The following GPHN variants were observed in gnomAD, a reference collection of about 807,000 sequenced individuals.
GPHN encodes gephyrin.
A neutral mutation model predicts 95.5 loss-of-function variants in GPHN; 17 were observed. The observed-to-expected ratio is 0.18, with a 90% CI of 0.12 to 0.27. The LOEUF is 0.27. GPHN is among the 10% of genes least tolerant of loss of function. GPHN has a pLI of 1.00. For missense variants in GPHN, 660 were observed against 978.1 expected, an observed-to-expected ratio of 0.67 and a Z score of 4.34; for synonymous variants, 320 against 322.5, an observed-to-expected ratio of 0.99 and a Z score of 0.08.
the GPHN span, among the ~76,000 whole-genome samples, chr14:67,355,181 CATCA>C: frequency 6.6e-6 from 1 of 152,060 alleles, no homozygotes; most frequent in East Asian, 1.9e-4. Flanking sequence ...GTTTTGATAT[CATCA>C]ATCAAGATCC....
At chr14:66,596,136 G>A (rs7147027) in intron 1 of GPHN, among the ~76,000 whole-genome samples, 47,589 of 151,666 alleles carry the variant, frequency 0.31, 11,459 homozygotes, top group African/African-American at 0.65. Context: ...CTCAGTGGGT[G>A]GCTCTTTTCT....
the GPHN span, among the ~76,000 whole-genome samples, chr14:67,302,769 T>C: frequency 1.3e-5 from 2 of 152,200 alleles, no homozygotes; most frequent in African/African-American, 4.8e-5. Flanking sequence ...TACTTTCTGA[T>C]GTATCACTAT....
At chr14:67,397,662 C>T in the GPHN span, 37 of 1,608,624 alleles carry the variant, frequency 2.3e-5, no homozygotes, top group Middle Eastern at 1.7e-4. Context: ...CATCACTTAC[C>T]GGTCGGTTTT....
chr14:67,090,579 A>C (rs2077108374), intron 12 of GPHN, among the ~76,000 whole-genome samples: 1 of 152,074 alleles, frequency 6.6e-6, no homozygotes, highest in African/African-American at 2.4e-5. Context: ...AATCTGAAAA[A>C]CATCAAAATC....
At chr14:66,629,743 A>G (rs1381466980) in intron 1 of GPHN, among the ~76,000 whole-genome samples, 2 of 152,126 alleles carry the variant, frequency 1.3e-5, no homozygotes, top group South Asian at 2.1e-4. Context: ...TGACATCACT[A>G]TTTGATAGGA....
At chr14:67,389,358 T>G in the GPHN span, among the ~76,000 whole-genome samples, 1 of 151,086 alleles carries the variant, frequency 6.6e-6, no homozygotes, top group African/African-American at 2.4e-5. Context: ...GATAGGAGAG[T>G]AGGTCCCCAG....
intron 3 of GPHN, among the ~76,000 whole-genome samples, chr14:66,789,065 C>A (rs1453566601): frequency 6.6e-6 from 1 of 152,294 alleles, no homozygotes; most frequent in Non-Finnish European, 1.5e-5. Flanking sequence ...TCTGAGACAA[C>A]CCTGTTGTGC....
At chr14:66,721,822 C>T (rs117949226) in intron 2 of GPHN, among the ~76,000 whole-genome samples, 8,905 of 151,482 alleles carry the variant, frequency 0.059, 358 homozygotes, top group Middle Eastern at 0.099. Flanking sequence ...ATGTTAGTGC[C>T]CGCCTGTAAT....
chr14:66,578,387 T>A (rs1250781425), intron 1 of GPHN, among the ~76,000 whole-genome samples: 1 of 150,602 alleles, frequency 6.6e-6, no homozygotes, highest in Non-Finnish European at 1.5e-5. Context: ...GAGAAAGGAG[T>A]AGTGAATGTA....
chr14:67,218,707 T>G, the GPHN span, among the ~76,000 whole-genome samples: 1 of 152,044 alleles, frequency 6.6e-6, no homozygotes, highest in African/African-American at 2.4e-5. Context: ...AACAGTTTCT[T>G]TGTGCCCTAA....
the GPHN span, among the ~76,000 whole-genome samples, chr14:67,553,968 G>A: frequency 6.6e-6 from 1 of 152,174 alleles, no homozygotes; most frequent in African/African-American, 2.4e-5. Context: ...CCTGTCAGAG[G>A]GGGCCCTATC....
chr14:67,189,104 A>G, the GPHN span, among the ~76,000 whole-genome samples: 1 of 152,228 alleles, frequency 6.6e-6, no homozygotes. Context: ...CTTGGGATAT[A>G]GGGAAAGTGA....
chr14:67,035,381 TAATA>T (rs1051415023), intron 10 of GPHN, among the ~76,000 whole-genome samples: 2 of 150,592 alleles, frequency 1.3e-5, no homozygotes, highest in Non-Finnish European at 3.0e-5. Context: ...AAGAAGGAAA[TAATA>T]AAGATCAGAG....
chr14:66,800,952 C>T (rs1466287937), intron 3 of GPHN, among the ~76,000 whole-genome samples: 1 of 152,170 alleles, frequency 6.6e-6, no homozygotes, highest in African/African-American at 2.4e-5. Flanking sequence ...CTTTCTTCTG[C>T]TTAATCAGTT....
the GPHN span, among the ~76,000 whole-genome samples, chr14:67,330,759 T>C: frequency 0.16 from 23,619 of 152,230 alleles, 3,466 homozygotes; most frequent in East Asian, 0.42. Flanking sequence ...GCACCCCGCT[T>C]CCTTGTTTTT....
the GPHN span, among the ~76,000 whole-genome samples, chr14:67,528,292 A>G: frequency 6.6e-6 from 1 of 152,164 alleles, no homozygotes; most frequent in African/African-American, 2.4e-5. Flanking sequence ...ATGAAAACCC[A>G]TTGTCTACAG....
chr14:66,618,865 C>T (rs1463800028), intron 1 of GPHN, among the ~76,000 whole-genome samples: 1 of 152,146 alleles, frequency 6.6e-6, no homozygotes. Context: ...ACCTATCCAT[C>T]ACACTCTACA....
chr14:67,620,159 G>T, the GPHN span: 8 of 1,157,180 alleles, frequency 6.9e-6, no homozygotes, highest in African/African-American at 4.8e-5. Context: ...GCGGCGGTAG[G>T]GTGCGGGGGA....
intron 18 of GPHN, 68 bp from the exon 19 acceptor site, chr14:67,159,347 C>T: frequency 2.2e-6 from 2 of 897,328 alleles, no homozygotes; most frequent in Non-Finnish European, 3.8e-6. Context: ...ATTTAATGTT[C>T]ATTTAAAGTG....
Sources: allele counts gnomAD v4.1 joint callset (sites outside exome capture counted in the v4.1 genomes callset), GRCh38; gene constraint gnomAD v4.1.1; transcripts MANE v1.5; gene names NCBI Gene and HGNC (gene_info 2026-07-23, HGNC 2026-07-21).